Variants in SLCO1A2 observed in about 807,000 individuals in gnomAD.
The protein encoded by SLCO1A2 is solute carrier organic anion transporter family member 1A2, also known as OATP-1.
In SLCO1A2, 67 loss-of-function variants were observed where a neutral mutation model predicts 69.0. That is an observed-to-expected ratio of 0.97 (90% CI 0.80 to 1.19). SLCO1A2 has a LOEUF of 1.19. Among genes scored for constraint, SLCO1A2 ranks in the 50% most tolerant of loss-of-function variants. The pLI is 0.00. For synonymous variants in SLCO1A2, 260 were observed against 265.9 expected, an observed-to-expected ratio of 0.98 and a Z score of 0.22; for missense variants, 787 against 793.7, an observed-to-expected ratio of 0.99 and a Z score of 0.10.
intron 2 of SLCO1A2, among the ~76,000 whole-genome samples, chr12:21,326,391 G>C (rs932487131): frequency 6.6e-6 from 1 of 152,184 alleles, no homozygotes; most frequent in Non-Finnish European, 1.5e-5. Context: ...AACAGGCAGA[G>C]GTTAGAACAG....
At position 21,295,633 on chromosome 12, in the gene SLCO1A2, T is replaced by G. The variant is rs1241539353; in HGVS notation, c.1235A>C (p.Asn412Thr). ...YFLSFLMTCENSSVVGINTSY... is the reference protein window; with the variant it reads ...YFLSFLMTCETSSVVGINTSY... ...GGTATTTATTCCAACAACTGAAGAA[T>G]TTTCACAAGTCATGAGAAAAGATAA... Residue 412 changes from asparagine (N) to threonine (T), a missense_variant, in exon 10 of 15, where the codon AAT becomes ACT. Physicochemically the swap from Asn to Thr is moderately conservative, Grantham distance 65. Coordinates refer to ENST00000683939, the MANE Select transcript of SLCO1A2 (RefSeq NM_001386879.1). 6.2e-7 allele frequency: 1 copy of G among 1,602,194 alleles called. No individual in the cohort carries two copies. The highest frequency in any genetic ancestry group is 1.1e-5 in the South Asian group (1 of 90,728).
chr12:21,346,559 A>G (rs1161070527), intron 2 of SLCO1A2, among the ~76,000 whole-genome samples: 1 of 152,154 alleles, frequency 6.6e-6, no homozygotes, highest in Non-Finnish European at 1.5e-5. Flanking sequence ...GACTAGGAAA[A>G]TGACTTTTGT....
intron 13 of SLCO1A2, chr12:21,274,937 A>G: frequency 9.6e-7 from 1 of 1,046,556 alleles, no homozygotes; most frequent in South Asian, 3.7e-5. Context: ...AACAAAGAAT[A>G]GTGTAATTAA....
exon 1 of SLCO1A2, chr12:21,395,256 G>T (rs1052434768): frequency 6.6e-6 from 1 of 152,658 alleles, no homozygotes; most frequent in Non-Finnish European, 1.5e-5. Context: ...CAAAGAAAGG[G>T]GTGACGGACG....
chr12:21,402,252 A>G (rs997618177), intron 1 of SLCO1A2, among the ~76,000 whole-genome samples: 1 of 151,818 alleles, frequency 6.6e-6, no homozygotes, highest in Non-Finnish European at 1.5e-5. Flanking sequence ...AAAATAGAGA[A>G]CATGTTTGAA....
chr12:21,368,743 T>TAA (rs1301731464), intron 2 of SLCO1A2, among the ~76,000 whole-genome samples: 11 of 152,126 alleles, frequency 7.2e-5, no homozygotes, highest in Admixed American at 7.2e-4. Flanking sequence ...TAATTTTATA[T>TAA]ACATTTGAAA....
intron 1 of SLCO1A2, among the ~76,000 whole-genome samples, chr12:21,406,002 T>C (rs974868398): frequency 6.6e-6 from 1 of 152,226 alleles, no homozygotes; most frequent in African/African-American, 2.4e-5. Context: ...CCATGCCAAA[T>C]ATTTCTAGGT....
chr12:21,306,085 G>A (rs1428579375), intron 5 of SLCO1A2, among the ~76,000 whole-genome samples: 3 of 152,154 alleles, frequency 2.0e-5, no homozygotes, highest in Non-Finnish European at 4.4e-5. Flanking sequence ...GAAAAAAAAA[G>A]AGCAGAAAGA....
At chr12:21,418,149 C>T (rs1324163061), upstream of SLCO1A2, 1 of 152,182 alleles carries the variant, frequency 6.6e-6, no homozygotes, top group Non-Finnish European at 1.5e-5. Flanking sequence ...AAACATGAGA[C>T]TTGCGCACTG....
chr12:21,414,818 T>G (rs1184411349), intron 1 of SLCO1A2, among the ~76,000 whole-genome samples: 1 of 152,230 alleles, frequency 6.6e-6, no homozygotes, highest in Non-Finnish European at 1.5e-5. Flanking sequence ...TCTCTCATAT[T>G]ATTAATTTGC....
At chr12:21,305,883 A>T (rs1949314012) in intron 5 of SLCO1A2, among the ~76,000 whole-genome samples, 2 of 152,228 alleles carry the variant, frequency 1.3e-5, no homozygotes, top group Admixed American at 6.5e-5. Flanking sequence ...AATCCAGAAT[A>T]AAAATGTCCC....
At chr12:21,347,665 A>AAGGAAGGAAGGAAGG (rs1565510400) in intron 2 of SLCO1A2, among the ~76,000 whole-genome samples, 14 of 6,406 alleles carry the variant, frequency 2.2e-3, no homozygotes, top group Admixed American at 5.1e-3. Flanking sequence ...AAGAAGAAAG[A>AAGGAAGGAAGGAAGG]AAGAAAGGAA....
At chr12:21,359,948 T>C (rs930149109) in intron 2 of SLCO1A2, among the ~76,000 whole-genome samples, 2 of 152,062 alleles carry the variant, frequency 1.3e-5, no homozygotes, top group African/African-American at 4.8e-5. Flanking sequence ...AATGAAACAC[T>C]ACTCCACAAT....
At chr12:21,376,920 A>C (rs952977602) in intron 1 of SLCO1A2, among the ~76,000 whole-genome samples, 1 of 152,128 alleles carries the variant, frequency 6.6e-6, no homozygotes, top group African/African-American at 2.4e-5. Context: ...ACATTTCTCT[A>C]ACTTTCCTAA....
rs149155408 is a variant in SLCO1A2, at chr12:21,390,446, A to G, written c.-190+4460T>C. ...ATATATTTATAGTTAAAATGATGAT[A>G]AGGTTTGTAAAATGTGGTTGTGGAA... On this transcript the variant is annotated intron_variant, in intron 1 of 15. Transcript: ENST00000307378. 6.1e-4 allele frequency among the ~76,000 whole-genome samples: 93 copies of G among 152,284 alleles called. 3 individuals are homozygous for G. The highest frequency in any genetic ancestry group is 2.1e-3 in the African/African-American group (87 of 41,584).
rs961250723 is a variant in SLCO1A2, at chr12:21,318,853, A to C, written c.131T>G (p.Leu44Arg). The change falls in exon 3 of 15, where the codon CTC becomes CGC. Residue 44 changes from leucine to arginine, a missense_variant. Leu to Arg is a moderately radical substitution (Grantham distance 102). Coordinates refer to ENST00000683939, the MANE Select transcript of SLCO1A2 (RefSeq NM_001386879.1). ...TLSGSYMNSM[L>R]TQIERQFNIP... ...GTTGAATTGTCTCTCTATTTGTGTGAGCATGGAATTCATATAAGATCCAGA... is the reference window on the plus strand; with the variant it reads ...GTTGAATTGTCTCTCTATTTGTGTGCGCATGGAATTCATATAAGATCCAGA... The C allele has an allele frequency of 6.2e-7, 1 of 1,611,494 alleles. No homozygotes were observed. Among genetic ancestry groups the C allele is most frequent in the Non-Finnish European group, 8.5e-7 (1 of 1,178,480 alleles).
chr12:21,359,143 T>G (rs2137039142), intron 2 of SLCO1A2, among the ~76,000 whole-genome samples: 1 of 152,288 alleles, frequency 6.6e-6, no homozygotes, highest in East Asian at 1.9e-4. Flanking sequence ...ACTAGAAGAT[T>G]TTTATATACT....
chr12:21,274,597 C>A lies in SLCO1A2; in HGVS notation c.1676-11G>T. On this transcript the variant is annotated splice_polypyrimidine_tract_variant and intron_variant, in intron 13 of 14. Transcript: ENST00000683939. ...GTGCAGGAATGCCAGCTACAATTGA[C>A]AGGGAAAGAAAAATCTATCAACAAG... 1 of 1,497,436 alleles carries A rather than the reference C, an allele frequency of 6.7e-7. No individual in the cohort carries two copies. The highest frequency in any genetic ancestry group is 9.3e-7 in the Non-Finnish European group (1 of 1,076,504). 92.8% of individuals were successfully genotyped at this position (1,497,436 alleles called of 1,614,324 possible).
At chr12:21,383,237 T>C (rs1365890507) in intron 1 of SLCO1A2, among the ~76,000 whole-genome samples, 1 of 152,044 alleles carries the variant, frequency 6.6e-6, no homozygotes, top group African/African-American at 2.4e-5. Context: ...GTAGCACATC[T>C]TTTTTTTCTT....
Sources: allele counts gnomAD v4.1 joint callset (sites outside exome capture counted in the v4.1 genomes callset), GRCh38; gene constraint gnomAD v4.1.1; transcripts MANE v1.5; gene names NCBI Gene and HGNC (gene_info 2026-07-23, HGNC 2026-07-21).